The following NEXN variants were observed in gnomAD, a reference collection of about 807,000 sequenced individuals.
NEXN encodes nexilin.
Under a neutral mutation model 92.6 loss-of-function variants are expected in NEXN, and 65 were observed. The observed-to-expected ratio is 0.70, with a 90% CI of 0.57 to 0.86. NEXN has a LOEUF of 0.86. Among genes scored for constraint, NEXN ranks in the 40% least tolerant of loss-of-function variants. The pLI is 0.00. For synonymous variants in NEXN, 254 were observed against 242.5 expected, an observed-to-expected ratio of 1.05 and a Z score of -0.44; for missense variants, 778 against 771.1, an observed-to-expected ratio of 1.01 and a Z score of -0.11.
chr1:77,906,208 G>C (rs138562093), intron 1 of NEXN, among the ~76,000 whole-genome samples: 3 of 152,214 alleles, frequency 2.0e-5, no homozygotes, highest in African/African-American at 7.2e-5. Flanking sequence ...ATCAAGTGTA[G>C]CAGTGAAGTT....
At chr1:77,888,954 A>C (rs1023635118) in intron 1 of NEXN, 195 bp downstream of exon 1, 3 of 152,648 alleles carry the variant, frequency 2.0e-5, no homozygotes, top group Admixed American at 6.5e-5. Flanking sequence ...GCCCGGGCGA[A>C]CCCTGCCTTG....
chr1:77,920,829 G>C (rs1180403898), intron 5 of NEXN, among the ~76,000 whole-genome samples: 1 of 151,984 alleles, frequency 6.6e-6, no homozygotes, highest in African/African-American at 2.4e-5. Flanking sequence ...AAAAGAAAAG[G>C]GAGAGAAGGA....
chr1:77,931,231 CAAAAAAAAAAAAAAAAAAAAA>C (rs367898061), intron 9 of NEXN, among the ~76,000 whole-genome samples: 1 of 120,564 alleles, frequency 8.3e-6, no homozygotes, highest in Non-Finnish European at 1.6e-5. Context: ...ACTAAAAATA[CAAAAAAAAAAAAAAAAAAAAA>C]AAAAAAAAAA....
chr1:77,903,819 G>A (rs147895285), intron 1 of NEXN, among the ~76,000 whole-genome samples: 1,831 of 152,170 alleles, frequency 0.012, 28 homozygotes, highest in African/African-American at 0.04. Context: ...CAGCTACTCA[G>A]GAGGCTGAGG....
intron 1 of NEXN, among the ~76,000 whole-genome samples, chr1:77,913,187 G>T (rs1648716390): frequency 6.6e-6 from 1 of 152,188 alleles, no homozygotes. Flanking sequence ...GGCCGAGGTG[G>T]GCGGATCACC....
chr1:77,935,694 TG>T, intron 10 of NEXN, 128 bp from the exon 11 acceptor site: 1 of 729,606 alleles, frequency 1.4e-6, no homozygotes, highest in Non-Finnish European at 2.4e-6. Context: ...GGCATGTGCC[TG>T]TAGTCCCAGC....
chr1:77,931,654 T>G (rs991361361), intron 9 of NEXN: 2 of 152,212 alleles, frequency 1.3e-5, no homozygotes, highest in African/African-American at 2.4e-5. Flanking sequence ...TATCCACAAA[T>G]AAGTATTGTA....
chr1:77,900,378 A>G (rs574558063), intron 1 of NEXN, among the ~76,000 whole-genome samples: 1 of 152,278 alleles, frequency 6.6e-6, no homozygotes, highest in African/African-American at 2.4e-5. Context: ...TGGTTATAAT[A>G]CTGGTATTAT....
intron 1 of NEXN, among the ~76,000 whole-genome samples, chr1:77,900,003 G>A (rs991208301): frequency 6.6e-6 from 1 of 151,848 alleles, no homozygotes; most frequent in Non-Finnish European, 1.5e-5. Flanking sequence ...TTCTTTCTAG[G>A]ATACATCTTT....
chr1:77,927,529 G>A (rs764655672), intron 8 of NEXN, among the ~76,000 whole-genome samples: 4 of 151,814 alleles, frequency 2.6e-5, no homozygotes, highest in Non-Finnish European at 5.9e-5. Flanking sequence ...AACAGTTTAC[G>A]GTGGAATATG....
At chr1:77,890,103 T>TG (rs1203214256) in intron 1 of NEXN, among the ~76,000 whole-genome samples, 2 of 152,242 alleles carry the variant, frequency 1.3e-5, no homozygotes, top group East Asian at 3.9e-4. Context: ...AAAGGTTTTT[T>TG]GGGGGGAGGT....
At chr1:77,916,647 C>G (rs1174206949) in intron 2 of NEXN, among the ~76,000 whole-genome samples, 11 of 152,054 alleles carry the variant, frequency 7.2e-5, no homozygotes, top group Admixed American at 4.6e-4. Flanking sequence ...TGGCCAATGA[C>G]ACATAATAGA....
chr1:77,932,336 T>TGAG (rs1043258301), intron 9 of NEXN, among the ~76,000 whole-genome samples: 14 of 152,210 alleles, frequency 9.2e-5, no homozygotes, highest in African/African-American at 3.1e-4. Flanking sequence ...CTCTGTAAAA[T>TGAG]GAGGATATTA....
chr1:77,917,539 TC>T (rs1446369083), intron 2 of NEXN, 26 bp from the exon 3 acceptor site: 9 of 1,557,526 alleles, frequency 5.8e-6, no homozygotes, highest in Non-Finnish European at 7.1e-6. Context: ...TCGTTAACTT[TC>T]TTTTTTTTAT....
intron 11 of NEXN, among the ~76,000 whole-genome samples, chr1:77,939,947 G>T (rs1651118421): frequency 6.6e-6 from 1 of 152,090 alleles, no homozygotes; most frequent in Admixed American, 6.5e-5. Context: ...GGTGGCAGAC[G>T]CCTATAATCC....
chr1:77,917,535 ACTTT>A (rs1433426129), intron 2 of NEXN, 27 bp from the exon 3 acceptor site: 3 of 1,529,220 alleles, frequency 2.0e-6, no homozygotes, highest in African/African-American at 1.4e-5. Context: ...TTTTTCGTTA[ACTTT>A]CTTTTTTTTA....
At chr1:77,935,767 A>G (rs1420188151) in intron 10 of NEXN, 56 bp from the exon 11 acceptor site, 1 of 1,508,428 alleles carries the variant, frequency 6.6e-7, no homozygotes, top group Non-Finnish European at 9.2e-7. Context: ...AGCCTTGGCA[A>G]CATAGTGAGA....
intron 1 of NEXN, among the ~76,000 whole-genome samples, chr1:77,896,530 G>A (rs1255703501): frequency 6.6e-6 from 1 of 152,136 alleles, no homozygotes; most frequent in Non-Finnish European, 1.5e-5. Context: ...CACTTTGGGA[G>A]CCCGAGGCGG....
chr1:77,905,883 G>C (rs1055164673), intron 1 of NEXN, among the ~76,000 whole-genome samples: 1 of 152,172 alleles, frequency 6.6e-6, no homozygotes, highest in African/African-American at 2.4e-5. Flanking sequence ...GAGGGAGCCA[G>C]CTCTGCAAAG....
Sources: gnomAD v4.1 joint callset for allele counts (sites outside exome capture counted in the v4.1 genomes callset) on GRCh38, gnomAD v4.1.1 for gene constraint, MANE v1.5 for transcripts, NCBI Gene and HGNC (gene_info 2026-07-23, HGNC 2026-07-21) for gene names.